CC2D2B: variants seen among roughly 807,000 people sequenced by gnomAD.
The protein encoded by CC2D2B is coiled-coil and C2 domain containing 2B, also known as protein CC2D2B.
In CC2D2B, 128 loss-of-function variants were observed where a neutral mutation model predicts 161.2. The observed-to-expected ratio is 0.79, with a 90% CI of 0.69 to 0.92. CC2D2B has a LOEUF of 0.92. Ranked by LOEUF, CC2D2B falls within the 40% of genes least tolerant of loss-of-function variation. The pLI is 0.00. For synonymous variants in CC2D2B, 391 were observed against 449.8 expected, an observed-to-expected ratio of 0.87 and a Z score of 1.65; for missense variants, 1,173 against 1,375.1, an observed-to-expected ratio of 0.85 and a Z score of 2.32.
intron 9 of CC2D2B, among the ~76,000 whole-genome samples, chr10:95,947,908 C>T (rs2076278331): frequency 6.6e-6 from 1 of 152,142 alleles, no homozygotes; most frequent in African/African-American, 2.4e-5. Flanking sequence ...GCTTAGAGGG[C>T]CCAGGCTCCT....
At chr10:96,019,873 C>A in intron 32 of CC2D2B, 49 bp downstream of exon 32, 1 of 1,465,542 alleles carries the variant, frequency 6.8e-7, no homozygotes, top group Non-Finnish European at 9.2e-7. Flanking sequence ...ACCATTGCTT[C>A]TAATCTTTAC....
intron 4 of CC2D2B, 150 bp from the exon 5 acceptor site, chr10:95,924,629 T>C: frequency 1.6e-6 from 1 of 619,564 alleles, no homozygotes. Context: ...TAAATGACAT[T>C]TCAGTATGTC....
chr10:95,930,264 G>A (rs551363864), intron 6 of CC2D2B, among the ~76,000 whole-genome samples: 8 of 152,296 alleles, frequency 5.3e-5, no homozygotes, highest in Admixed American at 6.5e-5. Context: ...AGACTTTCCC[G>A]AAGTTGCTTA....
chr10:95,995,469 G>A, intron 23 of CC2D2B, 104 bp downstream of exon 23: 1 of 603,302 alleles, frequency 1.7e-6, no homozygotes, highest in Non-Finnish European at 2.7e-6. Context: ...TTGGCTTCCA[G>A]TTTATTTTCC....
intron 25 of CC2D2B, among the ~76,000 whole-genome samples, chr10:96,009,090 G>A (rs1210186659): frequency 6.6e-6 from 1 of 151,988 alleles, no homozygotes; most frequent in African/African-American, 2.4e-5. Flanking sequence ...TGGTTTGACT[G>A]TTATAAATAT....
chr10:96,027,250 G>A lies in CC2D2B; in HGVS notation c.3986G>A (p.Arg1329Gln), dbSNP rs1201800031. 16 of 1,546,940 alleles carry A rather than the reference G, an allele frequency of 1.0e-5. 1 individual carries two copies. The highest frequency in any genetic ancestry group is 7.4e-5 in the East Asian group (3 of 40,728). ...RTLKSKVMEW[R>Q]PKHPTHWNRQ... ...CTGAAGAGTAAAGTGATGGAATGGC[G>A]ACCTAAACACCCAACACATTGGAAT... Residue 1329 changes from arginine (R) to glutamine (Q), a missense_variant, in exon 34 of 35, where the codon CGA becomes CAA. By Grantham distance (43) the Arg-to-Gln change is conservative (BLOSUM62 1). This residue lies in a region of CC2D2B where 598 missense variants were observed against 693.2 expected (regional missense o/e 0.86). Transcript: ENST00000646931.
At chr10:96,013,909 A>T in intron 29 of CC2D2B, 32 bp downstream of exon 29, 1 of 1,029,354 alleles carries the variant, frequency 9.7e-7, no homozygotes, top group Non-Finnish European at 1.4e-6. Context: ...ATATAATTGA[A>T]ATATATAGTA....
chr10:95,976,555 TGG>T (rs1037682383), intron 17 of CC2D2B, among the ~76,000 whole-genome samples: 3 of 152,214 alleles, frequency 2.0e-5, no homozygotes, highest in African/African-American at 7.2e-5. Flanking sequence ...GCTCAAGGAC[TGG>T]CTCTGAGCAG....
intron 32 of CC2D2B, chr10:96,021,477 G>A (rs1429510289): frequency 6.6e-6 from 1 of 152,190 alleles, no homozygotes; most frequent in African/African-American, 2.4e-5. Context: ...ATCTCTGAGG[G>A]TGGAACCCAC....
rs1381100191 is a variant in CC2D2B, at chr10:95,911,321, A to G, written c.-3A>G. 4.1e-6 allele frequency: 1 copy of G among 243,198 alleles called. No individual in the cohort carries two copies. The allele number at this position is 243,198 out of a possible 1,614,324, so 15.1% of individuals were successfully genotyped here. The stretch of plus-strand genomic sequence containing the variant: ...TTTAGAAAGTTGAAATAAAAGGACC[A>G]TCATGAAAAAATCTCAAAGAGAAGA... On this transcript the variant is annotated 5_prime_UTR_variant, in exon 2 of 35. Transcript: ENST00000646931.
chr10:95,942,846 C>T (rs563935347), intron 9 of CC2D2B, among the ~76,000 whole-genome samples: 7 of 152,008 alleles, frequency 4.6e-5, no homozygotes, highest in Admixed American at 4.6e-4. Context: ...TGATCCTTTT[C>T]TACTGCTTAT....
intron 6 of CC2D2B, among the ~76,000 whole-genome samples, chr10:95,933,194 C>T (rs1226159022): frequency 1.3e-5 from 2 of 151,950 alleles, no homozygotes; most frequent in Admixed American, 6.6e-5. Flanking sequence ...CTTTTGTATG[C>T]TTCACGAAGT....
intron 22 of CC2D2B, 42 bp downstream of exon 22, chr10:95,992,739 A>G: frequency 8.6e-7 from 1 of 1,168,734 alleles, no homozygotes; most frequent in Non-Finnish European, 1.1e-6. Context: ...CAAAAGGTCT[A>G]TTTTAAATGT....
intron 11 of CC2D2B, among the ~76,000 whole-genome samples, chr10:95,960,714 T>G (rs2076732875): frequency 6.6e-6 from 1 of 152,150 alleles, no homozygotes; most frequent in Non-Finnish European, 1.5e-5. Flanking sequence ...GGTTTCACCA[T>G]GTTGCCCAGG....
intron 26 of CC2D2B, 40 bp downstream of exon 26, chr10:96,009,963 C>T: frequency 2.3e-6 from 3 of 1,285,006 alleles, no homozygotes; most frequent in Non-Finnish European, 3.4e-6. Context: ...AAGTTTTGAC[C>T]TCTGGCTCAT....
Position 95,938,831 on chromosome 10 carries a change from T to C in CC2D2B, c.707T>C (p.Met236Thr), listed in dbSNP as rs1184308752. ...TGGTTTGGAGAAAGTGGAGAAATAA[T>C]GTCATTACCTACACCTATTAAACAG... ...KCWFGESGEI[M>T]SLPTPIKQSW... The change falls in exon 9 of 35, where the codon ATG becomes ACG. Residue 236 changes from methionine to threonine, a missense_variant. Transcript: ENST00000646931. 8.4e-6 allele frequency: 6 copies of C among 711,196 alleles called. No homozygotes were observed. The highest frequency in any genetic ancestry group is 1.6e-5 in the Non-Finnish European group (6 of 383,322). The allele number at this position is 711,196 out of a possible 1,614,324, so 44.1% of individuals were successfully genotyped here.
intron 11 of CC2D2B, 195 bp from the exon 12 acceptor site, chr10:95,961,634 A>C (rs2076766242): frequency 8.1e-6 from 3 of 370,472 alleles, no homozygotes; most frequent in Non-Finnish European, 1.4e-5. Flanking sequence ...TAAGTCATAA[A>C]GGAACAAATT....
In CC2D2B at chr10:96,027,203, T is replaced by G; in HGVS notation, c.3948-9T>G. ...TTGTCATAAAATTACCTTTGGATTC[T>G]TACCTTAGGATCGAAAGGACTCTGA... On this transcript the variant is annotated splice_polypyrimidine_tract_variant and intron_variant, in intron 33 of 34. Coordinates refer to ENST00000646931, the MANE Select transcript of CC2D2B (RefSeq NM_001349008.3). 6.7e-7 allele frequency: 1 copy of G among 1,501,090 alleles called. No individual in the cohort carries two copies. The highest frequency in any genetic ancestry group is 8.9e-7 in the Non-Finnish European group (1 of 1,121,160). 93.0% of individuals were successfully genotyped at this position (1,501,090 alleles called of 1,614,324 possible).
At chr10:95,989,919 G>A (rs983284713) in intron 20 of CC2D2B, among the ~76,000 whole-genome samples, 5 of 152,118 alleles carry the variant, frequency 3.3e-5, no homozygotes, top group African/African-American at 1.2e-4. Flanking sequence ...TCTATGAGAG[G>A]AACTCATGGA....
Sources: gnomAD v4.1 joint callset for allele counts (sites outside exome capture counted in the v4.1 genomes callset) on GRCh38, gnomAD v4.1.1 for gene constraint, gnomAD v4.1.1 regional missense constraint, MANE v1.5 for transcripts, NCBI Gene and HGNC (gene_info 2026-07-23, HGNC 2026-07-21) for gene names.